PSTPIP2: variants seen among roughly 807,000 people sequenced by gnomAD.
PSTPIP2 encodes the protein proline-serine-threonine phosphatase-interacting protein 2.
PSTPIP2 carries 33 observed loss-of-function variants against 63.3 expected under a neutral mutation model. The observed-to-expected ratio is 0.52, with a 90% CI of 0.40 to 0.70. The LOEUF is 0.70. Ranked by LOEUF, PSTPIP2 falls within the 30% of genes least tolerant of loss-of-function variation. The pLI is 0.00. For synonymous variants in PSTPIP2, 125 were observed against 132.7 expected (o/e 0.94, Z 0.40); for missense variants, 312 against 400.7 (o/e 0.78, Z 1.89).
chr18:46,042,026 A>G (rs1286350425), intron 1 of PSTPIP2, among the ~76,000 whole-genome samples: 2 of 152,202 alleles, frequency 1.3e-5, no homozygotes, highest in African/African-American at 4.8e-5. Context: ...CAGCAGTCCC[A>G]GAAAGACCCA....
chr18:45,985,129 G>T lies in PSTPIP2; in HGVS notation c.*330C>A. ...AGTTGGTGGCTCAGAATCCTCTGCT[G>T]CCACCTCTGCTCCTCAAGTGGATGC... On this transcript the variant is annotated 3_prime_UTR_variant, in exon 15 of 15. Coordinates refer to ENST00000409746, the MANE Select transcript of PSTPIP2 (RefSeq NM_024430.4). 2.8e-6 allele frequency: 1 copy of T among 351,190 alleles called. No individual in the cohort carries two copies. The allele number at this position is 351,190 out of a possible 1,614,324, so 21.8% of individuals were successfully genotyped here.
At chr18:46,038,541 T>G (rs750651364) in intron 2 of PSTPIP2, among the ~76,000 whole-genome samples, 6 of 152,234 alleles carry the variant, frequency 3.9e-5, no homozygotes, top group Non-Finnish European at 7.3e-5. Context: ...AGATCCTTCA[T>G]GCTCATGAAA....
Position 45,985,354 on chromosome 18 carries a change from C to A in PSTPIP2, c.*105G>T. The A allele has an allele frequency of 6.7e-7, 1 of 1,489,798 alleles. No homozygotes were observed. The highest frequency in any genetic ancestry group is 9.2e-7 in the Non-Finnish European group (1 of 1,087,346). 92.3% of individuals were successfully genotyped at this position (1,489,798 alleles called of 1,614,324 possible). A position where few individuals can be genotyped will look rare whatever the true frequency, so the allele number is the denominator to read the frequency against. On this transcript the variant is annotated 3_prime_UTR_variant, in exon 15 of 15. Transcript: ENST00000409746. The stretch of plus-strand genomic sequence containing the variant: ...AAAAAATTATAGCAAGGGTTCACTT[C>A]AAAGTCTTCATTGCTGACATAACGT...
chr18:46,024,566 A>C (rs1907508145), intron 3 of PSTPIP2, 43 bp downstream of exon 3: 2 of 1,530,444 alleles, frequency 1.3e-6, no homozygotes. Flanking sequence ...GCTCCCAGGC[A>C]TTATTAACCA....
chr18:46,024,363 C>T (rs1907499739), intron 3 of PSTPIP2, among the ~76,000 whole-genome samples: 1 of 152,034 alleles, frequency 6.6e-6, no homozygotes, highest in Non-Finnish European at 1.5e-5. Context: ...GTCTTGAACT[C>T]CTGGGCCCAA....
rs642217 is a variant in PSTPIP2, at chr18:46,007,865, T to C, written c.355-2334A>G. Reference sequence around the variant, plus strand: ...GAAAGCATCCATCCACCTCCCTAACTTGACAGGCGTGGACCCTGGGGCCCA... The same window carrying C: ...GAAAGCATCCATCCACCTCCCTAACCTGACAGGCGTGGACCCTGGGGCCCA... On this transcript the variant is annotated intron_variant, in intron 5 of 14. Coordinates refer to ENST00000409746, the MANE Select transcript of PSTPIP2 (RefSeq NM_024430.4). Among the ~76,000 whole-genome samples the C allele has an allele frequency of 5.3e-3, 814 of 152,276 alleles. 6 individuals are homozygous for C. The highest frequency in any genetic ancestry group is 0.014 in the Middle Eastern group (4 of 294).
Position 46,044,240 on chromosome 18 carries a change from C to T in PSTPIP2, c.34-4193G>A, listed in dbSNP as rs376525962. Among the ~76,000 whole-genome samples, 78 of 152,298 alleles carry T rather than the reference C, an allele frequency of 5.1e-4. 1 individual carries two copies. The South Asian group carries it at 0.012, about 24-fold the overall frequency. On this transcript the variant is annotated intron_variant, in intron 1 of 14. Coordinates refer to ENST00000409746, the MANE Select transcript of PSTPIP2 (RefSeq NM_024430.4). The stretch of plus-strand genomic sequence containing the variant: ...CAAAAGAACAAAGCTGGAGGCATCA[C>T]GCTACCTGACTTCAAACTATACTAC...
At chr18:45,997,923 A>C in intron 8 of PSTPIP2, 95 bp from the exon 9 acceptor site, 135 of 1,059,494 alleles carry the variant, frequency 1.3e-4, no homozygotes, top group Non-Finnish European at 1.8e-4. Flanking sequence ...AAAGAAACTC[A>C]TCCGAGTTGT....
chr18:46,040,914 G>T, intron 1 of PSTPIP2: 1 of 428,022 alleles, frequency 2.3e-6, no homozygotes, highest in Non-Finnish European at 4.7e-6. Context: ...AGAAGGAGCT[G>T]GGCGCCCACT....
intron 1 of PSTPIP2, 170 bp from the exon 2 acceptor site, chr18:46,040,217 G>T: frequency 2.1e-6 from 1 of 485,248 alleles, no homozygotes; most frequent in South Asian, 3.1e-5. Context: ...CCCCCACCCT[G>T]GAGATGAAAG....
intron 1 of PSTPIP2, among the ~76,000 whole-genome samples, chr18:46,042,450 C>T (rs1211368155): frequency 6.6e-6 from 1 of 152,096 alleles, no homozygotes; most frequent in Admixed American, 6.5e-5. Context: ...TCTCAGAGTC[C>T]CCAGCATCTG....
chr18:46,020,377 G>A (rs1257326360), intron 3 of PSTPIP2, among the ~76,000 whole-genome samples: 3 of 152,178 alleles, frequency 2.0e-5, no homozygotes, highest in Non-Finnish European at 2.9e-5. Flanking sequence ...TCATCTGGCC[G>A]GGCGCGGTAG....
At chr18:46,018,545 T>C (rs1287889803) in intron 3 of PSTPIP2, among the ~76,000 whole-genome samples, 1 of 152,094 alleles carries the variant, frequency 6.6e-6, no homozygotes, top group African/African-American at 2.4e-5. Flanking sequence ...ATTTTTGTAT[T>C]TTTAGTAGAG....
intron 14 of PSTPIP2, among the ~76,000 whole-genome samples, chr18:45,986,108 C>T (rs2051464266): frequency 6.6e-6 from 1 of 152,134 alleles, no homozygotes; most frequent in Non-Finnish European, 1.5e-5. Flanking sequence ...AAAGTTCATT[C>T]AAACTATTTT....
At chr18:46,059,472 C>T (rs1348084529) in intron 1 of PSTPIP2, among the ~76,000 whole-genome samples, 1 of 152,124 alleles carries the variant, frequency 6.6e-6, no homozygotes, top group Non-Finnish European at 1.5e-5. Context: ...TGGTCTGGAA[C>T]TCCTGACCTC....
chr18:46,022,361 C>T (rs1341638948), intron 3 of PSTPIP2, among the ~76,000 whole-genome samples: 1 of 151,906 alleles, frequency 6.6e-6, no homozygotes, highest in Non-Finnish European at 1.5e-5. Flanking sequence ...CTATATGTCC[C>T]TATTAGGGCC....
At chr18:46,060,775 A>T (rs1908960330) in intron 1 of PSTPIP2, among the ~76,000 whole-genome samples, 1 of 152,198 alleles carries the variant, frequency 6.6e-6, no homozygotes, top group African/African-American at 2.4e-5. Context: ...GCCCTCTGAG[A>T]GCAGACAGGC....
At chr18:46,059,028 CTT>C in intron 1 of PSTPIP2, among the ~76,000 whole-genome samples, 1 of 124,552 alleles carries the variant, frequency 8.0e-6, no homozygotes, top group East Asian at 5.2e-4. Context: ...CTTTTTTTTT[CTT>C]TTTTTCTTTT....
At chr18:46,038,001 G>T (rs1033979172) in intron 2 of PSTPIP2, among the ~76,000 whole-genome samples, 1 of 152,122 alleles carries the variant, frequency 6.6e-6, no homozygotes, top group African/African-American at 2.4e-5. Flanking sequence ...TTGGACTAGC[G>T]TTTTTCAACT....
Sources: allele counts gnomAD v4.1 joint callset (sites outside exome capture counted in the v4.1 genomes callset), GRCh38; gene constraint gnomAD v4.1.1; transcripts MANE v1.5; gene names NCBI Gene and HGNC (gene_info 2026-07-23, HGNC 2026-07-21).